Variants in NDST4 observed in about 807,000 individuals in gnomAD.
NDST4 encodes N-deacetylase and N-sulfotransferase 4.
In NDST4, 63 loss-of-function variants were observed where a neutral mutation model predicts 100.8. The ratio of observed to expected loss-of-function variants is 0.62; its 90% CI spans 0.51 to 0.77. NDST4 has a LOEUF of 0.77. NDST4 is among the 30% of genes least tolerant of loss of function. NDST4 has a pLI of 0.00. For synonymous variants in NDST4, 377 were observed against 361.8 expected, an observed-to-expected ratio of 1.04 and a Z score of -0.48; for missense variants, 943 against 1,018.4, an observed-to-expected ratio of 0.93 and a Z score of 1.01.
At chr4:114,985,183 T>C (rs1447973221) in intron 2 of NDST4, among the ~76,000 whole-genome samples, 2 of 152,070 alleles carry the variant, frequency 1.3e-5, no homozygotes, top group Non-Finnish European at 2.9e-5. Flanking sequence ...TCACACTCAA[T>C]CTGAAAAAAA....
chr4:114,919,428 C>T (rs1478316098), intron 6 of NDST4, among the ~76,000 whole-genome samples: 1 of 152,162 alleles, frequency 6.6e-6, no homozygotes, highest in African/African-American at 2.4e-5. Context: ...TGACCTGAGG[C>T]ATGAAAGGCA....
intron 2 of NDST4, among the ~76,000 whole-genome samples, chr4:115,071,233 T>C (rs1039763091): frequency 6.6e-6 from 1 of 151,908 alleles, no homozygotes; most frequent in African/African-American, 2.4e-5. Flanking sequence ...ATTCAGAATC[T>C]CTACCTCAAA....
chr4:114,990,331 T>A (rs946004516), intron 2 of NDST4, among the ~76,000 whole-genome samples: 32 of 152,146 alleles, frequency 2.1e-4, no homozygotes, highest in African/African-American at 7.7e-4. Context: ...ATTATTTTAC[T>A]AACTATAGCT....
At chr4:115,012,103 G>T (rs574791224) in intron 2 of NDST4, among the ~76,000 whole-genome samples, 3 of 151,710 alleles carry the variant, frequency 2.0e-5, no homozygotes, top group African/African-American at 7.2e-5. Flanking sequence ...CTTCACAAAA[G>T]AAAATAAAAC....
chr4:115,021,329 C>T lies in NDST4; in HGVS notation c.979-44055G>A, dbSNP rs9760743. On this transcript the variant is annotated intron_variant, in intron 2 of 13. Coordinates refer to ENST00000264363, the MANE Select transcript of NDST4 (RefSeq NM_022569.3). ...ATATATTCCACATATACATATTCCA[C>T]ATATACATATTCCATATATACATAT... 8.1e-5 allele frequency among the ~76,000 whole-genome samples: 12 copies of T among 148,578 alleles called. No homozygotes were observed. In the South Asian group the frequency reaches 2.2e-3, roughly 27 times the overall value.
chr4:115,105,601 G>A (rs995831825), intron 1 of NDST4, among the ~76,000 whole-genome samples: 3 of 151,952 alleles, frequency 2.0e-5, no homozygotes, highest in African/African-American at 4.8e-5. Flanking sequence ...CTTATAGTGC[G>A]ACAACAAAAA....
At chr4:114,895,931 AG>A (rs1394892911) in intron 6 of NDST4, among the ~76,000 whole-genome samples, 1 of 152,214 alleles carries the variant, frequency 6.6e-6, no homozygotes, top group East Asian at 1.9e-4. Flanking sequence ...ATAGAACCAA[AG>A]ACAAAAACAA....
chr4:114,978,069 C>A (rs990405428), intron 2 of NDST4, among the ~76,000 whole-genome samples: 1 of 151,948 alleles, frequency 6.6e-6, no homozygotes, highest in Admixed American at 6.6e-5. Context: ...TAATTCAGAA[C>A]CCTTATATCC....
intron 10 of NDST4, chr4:114,842,548 T>C (rs1184405974): frequency 1.7e-5 from 3 of 174,000 alleles, no homozygotes; most frequent in Non-Finnish European, 3.5e-5. Flanking sequence ...TCCCAGCACT[T>C]TGGGAGGCCG....
At position 114,959,729 on chromosome 4, in the gene NDST4, GC is replaced by G. The variant is rs202196248; in HGVS notation, c.1221+10700del. ...ACTTGAAAATCGATTATGAGATTATGCAACTAAAGAATAAAGAGGAAAAAAG... is the reference window on the plus strand; with the variant it reads ...ACTTGAAAATCGATTATGAGATTATGAACTAAAGAATAAAGAGGAAAAAAG... On this transcript the variant is annotated intron_variant, in intron 4 of 13. Transcript: ENST00000264363. 7.4e-3 allele frequency among the ~76,000 whole-genome samples: 1,125 copies of G among 152,142 alleles called. 14 individuals are homozygous for G. Among genetic ancestry groups the G allele is most frequent in the Middle Eastern group, 0.017 (5 of 294 alleles).
At chr4:115,036,552 T>G (rs1235373673) in intron 2 of NDST4, among the ~76,000 whole-genome samples, 1 of 151,888 alleles carries the variant, frequency 6.6e-6, no homozygotes, top group Admixed American at 6.6e-5. Flanking sequence ...AAAATCTTCA[T>G]GTATTCTTTC....
intron 4 of NDST4, among the ~76,000 whole-genome samples, chr4:114,961,847 T>C (rs1216831501): frequency 6.6e-6 from 1 of 152,058 alleles, no homozygotes; most frequent in Non-Finnish European, 1.5e-5. Context: ...ATGAGGCTAG[T>C]ATCACCCTGA....
At chr4:115,037,007 T>C (rs1476042697) in intron 2 of NDST4, among the ~76,000 whole-genome samples, 1 of 152,022 alleles carries the variant, frequency 6.6e-6, no homozygotes, top group Non-Finnish European at 1.5e-5. Flanking sequence ...TGATAAATTA[T>C]GTGTTTTAAT....
chr4:115,093,631 A>G (rs1729565347), intron 1 of NDST4, among the ~76,000 whole-genome samples: 1 of 152,178 alleles, frequency 6.6e-6, no homozygotes, highest in Admixed American at 6.5e-5. Flanking sequence ...ATGGAGTCTC[A>G]ACAAATTTTA....
chr4:115,055,828 G>A (rs1033685780), intron 2 of NDST4, among the ~76,000 whole-genome samples: 1 of 152,112 alleles, frequency 6.6e-6, no homozygotes, highest in Non-Finnish European at 1.5e-5. Context: ...GTATAAGCAA[G>A]CTGAACTGTA....
At chr4:114,828,030 T>G (rs1419969328) in intron 13 of NDST4, 95 bp from the exon 14 acceptor site, 17 of 1,026,210 alleles carry the variant, frequency 1.7e-5, no homozygotes, top group Non-Finnish European at 2.3e-5. Flanking sequence ...TCTACTACAG[T>G]ATACGTGTCT....
At chr4:114,933,695 G>T (rs1455186301) in intron 6 of NDST4, among the ~76,000 whole-genome samples, 1 of 151,874 alleles carries the variant, frequency 6.6e-6, no homozygotes, top group African/African-American at 2.4e-5. Flanking sequence ...ATGGGCAGAA[G>T]ATTTGAAAAT....
At chr4:114,868,365 G>A (rs1217657637) in intron 7 of NDST4, among the ~76,000 whole-genome samples, 3 of 152,032 alleles carry the variant, frequency 2.0e-5, no homozygotes, top group African/African-American at 7.2e-5. Context: ...GGGTGACAAT[G>A]CTTACCATTT....
intron 6 of NDST4, among the ~76,000 whole-genome samples, chr4:114,886,252 G>A (rs980837041): frequency 5.3e-5 from 8 of 152,076 alleles, no homozygotes; most frequent in Non-Finnish European, 8.8e-5. Context: ...TATAAGAATG[G>A]TTAGCTGCAG....
Sources: allele counts gnomAD v4.1 joint callset (sites outside exome capture counted in the v4.1 genomes callset), GRCh38; gene constraint gnomAD v4.1.1; transcripts MANE v1.5; gene names NCBI Gene and HGNC (gene_info 2026-07-23, HGNC 2026-07-21).